PCDHA5: variants seen among roughly 807,000 people sequenced by gnomAD.
PCDHA5 encodes protocadherin alpha 5.
A neutral mutation model predicts 61.6 loss-of-function variants in PCDHA5; 43 were observed. The ratio of observed to expected loss-of-function variants is 0.70; its 90% CI spans 0.55 to 0.90. The LOEUF is 0.90. Ranked by LOEUF, PCDHA5 falls within the 40% of genes least tolerant of loss-of-function variation. The probability of loss-of-function intolerance (pLI) is 0.00; values close to 1 mark genes in which losing one functional copy is unlikely to be tolerated. For synonymous variants in PCDHA5, 627 were observed against 543.9 expected, an observed-to-expected ratio of 1.15 and a Z score of -2.13; for missense variants, 1,298 against 1,222.7, an observed-to-expected ratio of 1.06 and a Z score of -0.92.
At chr5:140,927,651 C>A in intron 1 of PCDHA5, 2 of 1,614,216 alleles carry the variant, frequency 1.2e-6, no homozygotes, top group Non-Finnish European at 1.7e-6. Context: ...CTGTGTTATT[C>A]CGAGTTCAAG....
At chr5:140,883,459 G>A in intron 1 of PCDHA5, 1 of 1,614,132 alleles carries the variant, frequency 6.2e-7, no homozygotes, top group Non-Finnish European at 8.5e-7. Context: ...CCTTCAAGCT[G>A]GTGTCCACCT....
chr5:140,871,522 A>G (rs1554165699), intron 1 of PCDHA5: 1 of 1,549,186 alleles, frequency 6.5e-7, no homozygotes, highest in Non-Finnish European at 8.7e-7. Context: ...TCCACCTATC[A>G]GGAAGTGTAT....
chr5:140,872,231 T>A (rs1050025307), intron 1 of PCDHA5, among the ~76,000 whole-genome samples: 2 of 152,228 alleles, frequency 1.3e-5, no homozygotes, highest in Non-Finnish European at 2.9e-5. Context: ...TCTTTACTTT[T>A]GTCTTTATTC....
chr5:140,884,276 G>A (rs2060082773), intron 1 of PCDHA5: 4 of 1,613,638 alleles, frequency 2.5e-6, no homozygotes, highest in East Asian at 2.2e-5. Flanking sequence ...GTTGTCGCTG[G>A]TGGAGAGCGG....
chr5:140,972,552 T>G (rs1247039171), intron 1 of PCDHA5, among the ~76,000 whole-genome samples: 1 of 152,160 alleles, frequency 6.6e-6, no homozygotes, highest in Admixed American at 6.5e-5. Flanking sequence ...CAGTGAGGAT[T>G]CTGAAGTAAC....
chr5:140,990,814 T>A (rs1184527701), intron 3 of PCDHA5, among the ~76,000 whole-genome samples: 1 of 152,184 alleles, frequency 6.6e-6, no homozygotes, highest in Non-Finnish European at 1.5e-5. Context: ...GAAGCTCCCT[T>A]CTCTCAGCTA....
intron 3 of PCDHA5, among the ~76,000 whole-genome samples, chr5:140,992,102 G>A (rs1205417295): frequency 6.6e-6 from 1 of 150,914 alleles, no homozygotes; most frequent in Non-Finnish European, 1.5e-5. Context: ...AGAGAATTAA[G>A]GTGAGATGTG....
chr5:140,870,085 C>T lies in PCDHA5; in HGVS notation c.2352+45958C>T, dbSNP rs200687541. ...ACAGGCTACAGATAAGGGGACTCCCCCAATGGCAGGTCACTGTACAGTCTG... is the reference window on the plus strand; with the variant it reads ...ACAGGCTACAGATAAGGGGACTCCCTCAATGGCAGGTCACTGTACAGTCTG... On this transcript the variant is annotated intron_variant, in intron 1 of 3. Coordinates refer to ENST00000529859, the MANE Select transcript of PCDHA5 (RefSeq NM_018908.3). 1.7e-4 allele frequency: 271 copies of T among 1,613,744 alleles called. No homozygotes were observed. The highest frequency in any genetic ancestry group is 1.8e-4 in the Non-Finnish European group (215 of 1,179,872).
Position 140,821,784 on chromosome 5 carries a change from T to C in PCDHA5, c.9T>C (p.Tyr3=). 6.2e-7 allele frequency: 1 copy of C among 1,611,044 alleles called. No homozygotes were observed. The highest frequency in any genetic ancestry group is 8.5e-7 in the Non-Finnish European group (1 of 1,178,360). The part of the protein sequence containing the change: MV[Y]SRRGSLGSRL... ...ATTGGAACGAGATTGAGATGGTATA[T>C]TCCCGGAGAGGAAGTCTGGGATCCC... The change falls in exon 1 of 4, where the codon TAT becomes TAC. Residue 3 remains tyrosine, a synonymous_variant. Transcript: ENST00000529859.
At chr5:140,942,927 A>T (rs914550511) in intron 1 of PCDHA5, among the ~76,000 whole-genome samples, 2 of 152,104 alleles carry the variant, frequency 1.3e-5, no homozygotes, top group Non-Finnish European at 2.9e-5. Flanking sequence ...AAAAAAATTG[A>T]AAAAGAGTTT....
intron 1 of PCDHA5, among the ~76,000 whole-genome samples, chr5:140,905,614 A>T (rs1167406063): frequency 6.6e-6 from 1 of 152,094 alleles, no homozygotes; most frequent in Non-Finnish European, 1.5e-5. Flanking sequence ...GAATCTATAG[A>T]TTGCTTTTGA....
intron 1 of PCDHA5, among the ~76,000 whole-genome samples, chr5:140,919,051 T>G (rs1443609855): frequency 1.3e-5 from 2 of 152,238 alleles, no homozygotes; most frequent in Non-Finnish European, 2.9e-5. Flanking sequence ...TTATTGGAAG[T>G]GGAGTATTAA....
At chr5:140,843,559 G>A in intron 1 of PCDHA5, 1 of 1,595,950 alleles carries the variant, frequency 6.3e-7, no homozygotes, top group Non-Finnish European at 8.6e-7. Flanking sequence ...GTGCGGTGGG[G>A]AGCTGGTCAT....
At chr5:140,879,141 G>T (rs1413837977) in intron 1 of PCDHA5, among the ~76,000 whole-genome samples, 1 of 152,192 alleles carries the variant, frequency 6.6e-6, no homozygotes, top group Non-Finnish European at 1.5e-5. Flanking sequence ...GATTGTGAAG[G>T]CAGGAAAGCT....
intron 1 of PCDHA5, chr5:140,967,210 C>T (rs146322183): frequency 1.4e-4 from 231 of 1,613,674 alleles, no homozygotes; most frequent in Admixed American, 5.0e-4. Flanking sequence ...CACCGCGTTT[C>T]CCGCGGCCCA....
chr5:141,000,421 A>ATTTTTTTTTTTTT (rs34755515), intron 3 of PCDHA5, among the ~76,000 whole-genome samples: 1 of 27,968 alleles, frequency 3.6e-5, no homozygotes, highest in African/African-American at 1.8e-4. Flanking sequence ...ATATATATAT[A>ATTTTTTTTTTTTT]TTTTTTTTTT....
At chr5:140,875,903 A>G in intron 1 of PCDHA5, 1 of 1,614,184 alleles carries the variant, frequency 6.2e-7, no homozygotes, top group Non-Finnish European at 8.5e-7. Context: ...CCTGTTTCTG[A>G]ATCTGCGCCT....
In PCDHA5 at chr5:140,848,354, C is replaced by T. The variant is rs1427419086; in HGVS notation, c.2352+24227C>T. The T allele has an allele frequency of 5.9e-6, 6 of 1,023,948 alleles. No homozygotes were observed. In the East Asian group the frequency reaches 7.1e-5, roughly 12 times the overall value. The allele number at this position is 1,023,948 out of a possible 1,614,324, so 63.4% of individuals were successfully genotyped here. On this transcript the variant is annotated intron_variant, in intron 1 of 3. Transcript: ENST00000529859. Reference sequence around the variant, plus strand: ...AATCCAGACAAATACAGCCCTTTTCCCATGGGAAAGAGGCTCAATTCTTTT... The same window carrying T: ...AATCCAGACAAATACAGCCCTTTTCTCATGGGAAAGAGGCTCAATTCTTTT...
At position 140,880,762 on chromosome 5, in the gene PCDHA5, G is replaced by A. The variant is rs2153374847; in HGVS notation, c.2352+56635G>A. 3.9e-5 allele frequency among the ~76,000 whole-genome samples: 6 copies of A among 152,350 alleles called. No homozygotes were observed. The Middle Eastern group carries it at 0.014, about 345-fold the overall frequency. On this transcript the variant is annotated intron_variant, in intron 1 of 3. Coordinates refer to ENST00000529859, the MANE Select transcript of PCDHA5 (RefSeq NM_018908.3). ...GGATTGTCAGTGTAACTGCGTGTTGGAGGCTAAAAAGAATGTTAGAGGAGT... is the reference window on the plus strand; with the variant it reads ...GGATTGTCAGTGTAACTGCGTGTTGAAGGCTAAAAAGAATGTTAGAGGAGT...
Sources: gnomAD v4.1 joint callset for allele counts (sites outside exome capture counted in the v4.1 genomes callset) on GRCh38, gnomAD v4.1.1 for gene constraint, MANE v1.5 for transcripts, NCBI Gene and HGNC (gene_info 2026-07-23, HGNC 2026-07-21) for gene names.